VIL1: variants seen among roughly 807,000 people sequenced by gnomAD.
VIL1 encodes villin-1.
Under a neutral mutation model 104.0 loss-of-function variants are expected in VIL1, and 86 were observed. The ratio of observed to expected loss-of-function variants is 0.83; its 90% confidence interval spans 0.69 to 0.99. The LOEUF is 0.99. Ranked by LOEUF, VIL1 falls within the 50% of genes least tolerant of loss-of-function variation. The pLI, the probability that VIL1 is intolerant of heterozygous loss-of-function variation, is 0.00. For missense variants in VIL1, 944 were observed against 1,054.1 expected (o/e 0.90, Z 1.45); for synonymous variants, 394 against 412.6 (o/e 0.95, Z 0.55).
intron 11 of VIL1, 34 bp from the exon 12 acceptor site, chr2:218,432,012 C>T (rs1689108067): frequency 1.9e-6 from 3 of 1,613,924 alleles, no homozygotes; most frequent in African/African-American, 1.3e-5. Context: ...TGGAGCCTGT[C>T]CTGGACCTCA....
chr2:218,448,694 C>G (rs574832144), intron 19 of VIL1, among the ~76,000 whole-genome samples: 20 of 152,118 alleles, frequency 1.3e-4, no homozygotes, highest in Middle Eastern at 3.4e-3. Flanking sequence ...ACACTACTAT[C>G]TTTTTCATTG....
chr2:218,442,459 G>C (rs1242428302), intron 19 of VIL1, among the ~76,000 whole-genome samples: 3 of 152,256 alleles, frequency 2.0e-5, no homozygotes, highest in African/African-American at 7.2e-5. Context: ...GTGGGGAATG[G>C]AGTTTGGGGC....
intron 4 of VIL1, 138 bp from the exon 5 acceptor site, chr2:218,427,827 C>A (rs747214584): frequency 1.4e-4 from 104 of 736,664 alleles, no homozygotes; most frequent in Non-Finnish European, 2.2e-4. Context: ...AAAGTTTGCG[C>A]CCTCAGCACC....
In VIL1 at chr2:218,453,245, T is replaced by G. The variant is rs867552889; in HGVS notation, c.*3909T>G. On this transcript the variant is annotated 3_prime_UTR_variant, in exon 20 of 20. Transcript: ENST00000248444. ...TGTTGCATCTTCTGTGATGATGGTT[T>G]GTGTTTTTTTTGTTTTTGTTTTCGT... 1 of 151,392 alleles carries G rather than the reference T, an allele frequency of 6.6e-6. No homozygotes were observed. Among genetic ancestry groups the G allele is most frequent in the South Asian group, 2.1e-4 (1 of 4,820 alleles). 9.4% of individuals were successfully genotyped at this position (151,392 alleles called of 1,614,324 possible).
intron 10 of VIL1, chr2:218,431,212 A>G (rs1006688858): frequency 2.7e-5 from 13 of 484,746 alleles, no homozygotes; most frequent in African/African-American, 2.4e-4. Flanking sequence ...TTAGCCAAGC[A>G]TGGTGGTGCA....
intron 18 of VIL1, 63 bp from the exon 19 acceptor site, chr2:218,440,659 A>T: frequency 6.2e-7 from 1 of 1,604,290 alleles, no homozygotes; most frequent in Non-Finnish European, 8.5e-7. Flanking sequence ...TCAGAGAGAA[A>T]GGCAGCCTGG....
chr2:218,438,169 CATT>C (rs1689227551), intron 17 of VIL1, among the ~76,000 whole-genome samples: 1 of 152,012 alleles, frequency 6.6e-6, no homozygotes, highest in Non-Finnish European at 1.5e-5. Context: ...CTCATTCACT[CATT>C]CATTCATTCA....
At chr2:218,438,620 G>A in intron 17 of VIL1, 38 bp from the exon 18 acceptor site, 1 of 1,586,352 alleles carries the variant, frequency 6.3e-7, no homozygotes, top group Non-Finnish European at 8.6e-7. Flanking sequence ...CTCCTCTGCT[G>A]AGATCCAGGT....
intron 13 of VIL1, among the ~76,000 whole-genome samples, chr2:218,433,325 C>T (rs150295197): frequency 0.024 from 3,675 of 152,152 alleles, 147 homozygotes; most frequent in African/African-American, 0.083. Flanking sequence ...ATCTCAGCTA[C>T]TCAGGAGGCT....
In VIL1 at chr2:218,450,428, A is replaced by G. The variant is rs1262241884; in HGVS notation, c.*1092A>G. 2 of 152,694 alleles carry G rather than the reference A, an allele frequency of 1.3e-5. No individual in the cohort carries two copies. Among genetic ancestry groups the G allele is most frequent in the Non-Finnish European group, 2.9e-5 (2 of 68,050 alleles). The allele number at this position is 152,694 out of a possible 1,614,324, so 9.5% of individuals were successfully genotyped here. On this transcript the variant is annotated 3_prime_UTR_variant, in exon 20 of 20. Coordinates refer to ENST00000248444, the MANE Select transcript of VIL1 (RefSeq NM_007127.3). ...ATCAGAATCAAAAGTCACTCTGAAC[A>G]TAAAGAAAAAAAATCATCTCACAAA...
chr2:218,445,014 G>C (rs546378776), intron 19 of VIL1, among the ~76,000 whole-genome samples: 1 of 152,254 alleles, frequency 6.6e-6, no homozygotes, highest in South Asian at 2.1e-4. Context: ...TGAGGAACCT[G>C]GGGGGAGGGT....
Position 218,429,309 on chromosome 2 carries a change from C to T in VIL1, c.592C>T (p.Arg198Ter), listed in dbSNP as rs748066676. Residue 198 changes from arginine (R) to a stop codon, truncating the protein, a stop_gained, in exon 7 of 20, where the codon CGA (arginine) becomes TGA (stop). Coordinates refer to ENST00000248444, the MANE Select transcript of VIL1 (RefSeq NM_007127.3). LOFTEE classifies it high-confidence loss of function. ...LRGMTLAKEI[R>*]DQERGGRTYV... Reference sequence around the variant, plus strand: ...GGGCATGACTCTGGCCAAGGAGATCCGAGACCAGGAGCGGGGAGGGCGCAC... The same window carrying T: ...GGGCATGACTCTGGCCAAGGAGATCTGAGACCAGGAGCGGGGAGGGCGCAC... The T allele has an allele frequency of 7.4e-6, 12 of 1,613,586 alleles. No individual in the cohort carries two copies. The highest frequency in any genetic ancestry group is 2.7e-5 in the African/African-American group (2 of 75,048).
At chr2:218,444,798 G>A (rs1028581320) in intron 19 of VIL1, among the ~76,000 whole-genome samples, 2 of 152,208 alleles carry the variant, frequency 1.3e-5, no homozygotes, top group African/African-American at 2.4e-5. Flanking sequence ...ACAGGGAGGC[G>A]GATGTAGGCA....
intron 13 of VIL1, 134 bp downstream of exon 13, chr2:218,433,085 G>T: frequency 9.1e-7 from 1 of 1,093,514 alleles, no homozygotes; most frequent in Non-Finnish European, 1.3e-6. Context: ...TACCCTGGAG[G>T]TTCTATCACC....
intron 15 of VIL1, among the ~76,000 whole-genome samples, chr2:218,436,079 T>G (rs13416554): frequency 0.018 from 2,781 of 152,258 alleles, 89 homozygotes; most frequent in African/African-American, 0.061. Context: ...CCTCAGGTGA[T>G]CCACCTGCCT....
intron 1 of VIL1, 108 bp from the exon 2 acceptor site, chr2:218,423,660 G>T (rs1688930718): frequency 3.7e-6 from 4 of 1,075,426 alleles, no homozygotes; most frequent in Non-Finnish European, 5.6e-6. Context: ...GCTCCCCCAA[G>T]CCCCTGAGCC....
rs1182316175 is a variant in VIL1 at position 218,451,371 on chromosome 2, C to A, written c.*2035C>A. On this transcript the variant is annotated 3_prime_UTR_variant, in exon 20 of 20. Transcript: ENST00000248444. ...GCCCCCTGTTTAAAACAAAAGACCA[C>A]CTCGGGGGGTCAATTAAATTAAAAA... is the stretch of plus-strand genomic sequence containing the variant. 2 of 152,268 alleles carry A rather than the reference C, an allele frequency of 1.3e-5. No individual in the cohort carries two copies. The highest frequency in any genetic ancestry group is 1.9e-4 in the East Asian group (1 of 5,188). 9.4% of individuals were successfully genotyped at this position (152,268 alleles called of 1,614,324 possible). A position where few individuals can be genotyped will look rare whatever the true frequency, so the allele number is the denominator to read the frequency against.
At chr2:218,433,466 G>A (rs1367883553) in intron 13 of VIL1, among the ~76,000 whole-genome samples, 16 of 151,898 alleles carry the variant, frequency 1.1e-4, no homozygotes, top group African/African-American at 3.4e-4. Flanking sequence ...TGCCGGTTGC[G>A]GTGGCTCTCA....
At chr2:218,422,294 CAG>C (rs1688909369) in intron 1 of VIL1, among the ~76,000 whole-genome samples, 1 of 152,078 alleles carries the variant, frequency 6.6e-6, no homozygotes, top group South Asian at 2.1e-4. Context: ...AAGAAGGGGA[CAG>C]AGACAAAGGT....
Sources: allele counts gnomAD v4.1 joint callset (sites outside exome capture counted in the v4.1 genomes callset), GRCh38; gene constraint gnomAD v4.1.1; transcripts MANE v1.5; gene names NCBI Gene and HGNC (gene_info 2026-07-23, HGNC 2026-07-21).